UHRF2: variants seen among roughly 807,000 people sequenced by gnomAD.
UHRF2 encodes the protein ubiquitin like with PHD and ring finger domains 2.
UHRF2 carries 23 observed loss-of-function variants against 96.8 expected under a neutral mutation model. The observed-to-expected ratio is 0.24, with a 90% confidence interval of 0.17 to 0.34. UHRF2 has a LOEUF of 0.34. Ranked by LOEUF, UHRF2 falls within the 10% of genes least tolerant of loss-of-function variation. UHRF2 has a pLI of 1.00. For synonymous variants in UHRF2, 385 were observed against 332.6 expected (o/e 1.16, Z -1.72); for missense variants, 685 against 981.5 (o/e 0.70, Z 4.04).
intron 4 of UHRF2, among the ~76,000 whole-genome samples, chr9:6,469,507 ACT>A: frequency 6.6e-6 from 1 of 151,854 alleles, no homozygotes; most frequent in South Asian, 2.1e-4. Flanking sequence ...ACAGAGCGAG[ACT>A]CTGTCTCAAA....
At chr9:6,422,534 C>CTT (rs1008801633) in intron 2 of UHRF2, 1 of 444,374 alleles carries the variant, frequency 2.3e-6, no homozygotes, top group African/African-American at 2.0e-5. Flanking sequence ...TATAGATCAG[C>CTT]TTGGAGAATC....
At chr9:6,491,504 A>T (rs1332276406) in intron 9 of UHRF2, among the ~76,000 whole-genome samples, 1 of 152,210 alleles carries the variant, frequency 6.6e-6, no homozygotes, top group East Asian at 1.9e-4. Flanking sequence ...TGGTCTAGAC[A>T]ACCTTGAATT....
intron 10 of UHRF2, 97 bp from the exon 11 acceptor site, chr9:6,497,101 C>T (rs563171879): frequency 2.0e-6 from 2 of 1,013,748 alleles, no homozygotes; most frequent in African/African-American, 1.6e-5. Flanking sequence ...TCTTAACCAT[C>T]AGGTAAGGTA....
At chr9:6,485,180 G>A (rs1173369287) in intron 8 of UHRF2, among the ~76,000 whole-genome samples, 1 of 151,978 alleles carries the variant, frequency 6.6e-6, no homozygotes, top group Non-Finnish European at 1.5e-5. Flanking sequence ...TTATAATTTT[G>A]GTTGAACCAG....
chr9:6,480,274 C>T (rs144840257), intron 6 of UHRF2, among the ~76,000 whole-genome samples: 242 of 152,302 alleles, frequency 1.6e-3, no homozygotes, highest in African/African-American at 4.9e-3. Context: ...TCACATATAA[C>T]CCTGATGTAT....
At chr9:6,498,422 G>T (rs893158245) in intron 12 of UHRF2, 1 of 285,730 alleles carries the variant, frequency 3.5e-6, no homozygotes, top group East Asian at 6.8e-5. Flanking sequence ...ATTTGGAAAT[G>T]ACTTGAAGTG....
Position 6,460,483 on chromosome 9 carries a change from T to C in UHRF2, c.645-90T>C, listed in dbSNP as rs1324265521. The C allele has an allele frequency of 7.3e-6, 8 of 1,094,838 alleles. No individual in the cohort carries two copies. In the African/African-American group the frequency reaches 9.5e-5, roughly 13 times the overall value. The allele number at this position is 1,094,838 out of a possible 1,614,324, so 67.8% of individuals were successfully genotyped here. ...CTATTTTACTCTTTCTCTTAGATGA[T>C]TAACTCAGCAAATTAGGTTTTTCTG... On this transcript the variant is annotated intron_variant, in intron 3 of 15. Coordinates refer to ENST00000276893, the MANE Select transcript of UHRF2 (RefSeq NM_152896.3).
intron 1 of UHRF2, among the ~76,000 whole-genome samples, chr9:6,418,015 G>C (rs998724092): frequency 3.3e-5 from 5 of 152,026 alleles, no homozygotes; most frequent in African/African-American, 1.2e-4. Flanking sequence ...TAGTTAATTT[G>C]CATGTTTTAT....
chr9:6,501,002 T>C (rs1255816075), intron 14 of UHRF2, among the ~76,000 whole-genome samples: 1 of 152,214 alleles, frequency 6.6e-6, no homozygotes, highest in Non-Finnish European at 1.5e-5. Context: ...CATTTTAATC[T>C]AAAAATCACC....
rs1467900460 is a variant in UHRF2, at chr9:6,429,039, C to T, written c.385-4875C>T. Among the ~76,000 whole-genome samples the T allele has an allele frequency of 2.0e-5, 3 of 152,122 alleles. No homozygotes were observed. The East Asian group carries it at 5.8e-4, about 29-fold the overall frequency. On this transcript the variant is annotated intron_variant, in intron 2 of 15. Coordinates refer to ENST00000276893, the MANE Select transcript of UHRF2 (RefSeq NM_152896.3). The stretch of plus-strand genomic sequence containing the variant: ...AGGTTAGACACTATGGTGGTGGATA[C>T]CTGTAATCCCAGCTACTCAGGAGGC...
chr9:6,434,322 T>G, intron 3 of UHRF2, 149 bp downstream of exon 3: 1 of 964,994 alleles, frequency 1.0e-6, no homozygotes, highest in Non-Finnish European at 1.5e-6. Flanking sequence ...GTGGTTGTAC[T>G]CTAATTTAAA....
rs145719533 is a variant in UHRF2 at position 6,466,294 on chromosome 9, T to C, written c.863+5503T>C. ...GGCTCACGCCTGTAATCCCAGCACT[T>C]TGGGAGGCTGAGGCGGACGGATCAC... On this transcript the variant is annotated intron_variant, in intron 4 of 15. Transcript: ENST00000276893. Among the ~76,000 whole-genome samples, 2,631 of 152,112 alleles carry C rather than the reference T, an allele frequency of 0.017. 172 individuals are homozygous for C. In the East Asian group the frequency reaches 0.22, roughly 13 times the overall value.
At chr9:6,414,510 G>GT (rs1196388845) in intron 1 of UHRF2, among the ~76,000 whole-genome samples, 8 of 152,132 alleles carry the variant, frequency 5.3e-5, no homozygotes, top group South Asian at 4.1e-4. Flanking sequence ...GCCAGTCTAA[G>GT]TTTTTTTCCT....
intron 9 of UHRF2, chr9:6,492,832 C>CTTTTTTTTTTTT (rs34371545): frequency 6.7e-5 from 6 of 89,482 alleles, no homozygotes; most frequent in African/African-American, 1.7e-4. Context: ...GAGCTTTTGG[C>CTTTTTTTTTTTT]TTTTTTTTTT....
At chr9:6,453,024 C>G (rs1403229204) in intron 3 of UHRF2, among the ~76,000 whole-genome samples, 1 of 151,966 alleles carries the variant, frequency 6.6e-6, no homozygotes, top group African/African-American at 2.4e-5. Flanking sequence ...CTTACTGTCT[C>G]CTTGGTTAGA....
At chr9:6,460,490 A>G (rs902187550) in intron 3 of UHRF2, 83 bp from the exon 4 acceptor site, 26 of 1,187,120 alleles carry the variant, frequency 2.2e-5, no homozygotes, top group Non-Finnish European at 3.1e-5. Flanking sequence ...TGATTAACTC[A>G]GCAAATTAGG....
At chr9:6,442,711 C>G (rs1004854055) in intron 3 of UHRF2, among the ~76,000 whole-genome samples, 20 of 151,266 alleles carry the variant, frequency 1.3e-4, no homozygotes, top group African/African-American at 4.9e-4. Flanking sequence ...AGGCTGGTCT[C>G]GAACTCCAGG....
chr9:6,468,406 C>T, intron 4 of UHRF2: 1 of 455,770 alleles, frequency 2.2e-6, no homozygotes, highest in Non-Finnish European at 4.4e-6. Context: ...AACTAAATAG[C>T]CCGATCAAAT....
intron 3 of UHRF2, among the ~76,000 whole-genome samples, chr9:6,437,763 A>G (rs1820937570): frequency 6.6e-6 from 1 of 151,998 alleles, no homozygotes; most frequent in Non-Finnish European, 1.5e-5. Context: ...GATTATAGGC[A>G]TGCACCACCA....
Sources: allele counts gnomAD v4.1 joint callset (sites outside exome capture counted in the v4.1 genomes callset), GRCh38; gene constraint gnomAD v4.1.1; transcripts MANE v1.5; gene names NCBI Gene and HGNC (gene_info 2026-07-23, HGNC 2026-07-21).